VPS8: variants seen among roughly 807,000 people sequenced by gnomAD.
The protein encoded by VPS8 is vacuolar protein sorting-associated protein 8 homolog.
Under a neutral mutation model 216.4 loss-of-function variants are expected in VPS8, and 129 were observed. The ratio of observed to expected loss-of-function variants is 0.60; its 90% CI spans 0.52 to 0.69. VPS8 has a LOEUF of 0.69. Among genes scored for constraint, VPS8 ranks in the 30% least tolerant of loss-of-function variants. VPS8 has a pLI of 0.00. For missense variants in VPS8, 1,531 were observed against 1,683.5 expected, an observed-to-expected ratio of 0.91 and a Z score of 1.59; for synonymous variants, 571 against 565.4, an observed-to-expected ratio of 1.01 and a Z score of -0.14.
At chr3:184,930,863 T>C (rs184123004) in intron 34 of VPS8, among the ~76,000 whole-genome samples, 14 of 152,308 alleles carry the variant, frequency 9.2e-5, no homozygotes, top group African/African-American at 3.4e-4. Flanking sequence ...TTGTCCTTTT[T>C]TCCTAATATG....
intron 2 of VPS8, among the ~76,000 whole-genome samples, chr3:184,825,628 G>A (rs576831845): frequency 3.9e-5 from 6 of 152,340 alleles, no homozygotes; most frequent in East Asian, 3.9e-4. Flanking sequence ...TAGGCCGGGC[G>A]TGGTGGCTCA....
At chr3:184,981,713 G>T (rs1750246268) in intron 40 of VPS8, among the ~76,000 whole-genome samples, 1 of 152,128 alleles carries the variant, frequency 6.6e-6, no homozygotes, top group Non-Finnish European at 1.5e-5. Context: ...TGGGATTACA[G>T]GCGTGAGCCA....
At chr3:184,816,929 ATTTC>A (rs1044995079) in intron 1 of VPS8, among the ~76,000 whole-genome samples, 3 of 152,290 alleles carry the variant, frequency 2.0e-5, no homozygotes, top group Admixed American at 2.0e-4. Context: ...TATATGAATC[ATTTC>A]TTTCTCTCCT....
At chr3:185,006,431 A>G (rs868075466) in intron 45 of VPS8, among the ~76,000 whole-genome samples, 2 of 152,162 alleles carry the variant, frequency 1.3e-5, no homozygotes, top group African/African-American at 2.4e-5. Flanking sequence ...GAATTATCCT[A>G]CCACCAACCT....
chr3:185,021,606 G>A (rs540826020), intron 45 of VPS8, among the ~76,000 whole-genome samples: 32 of 152,286 alleles, frequency 2.1e-4, no homozygotes, highest in Middle Eastern at 3.4e-3. Context: ...GAATTCCAGC[G>A]TATTAATGTC....
At chr3:184,938,641 C>CT (rs1298836777) in intron 35 of VPS8, among the ~76,000 whole-genome samples, 9,170 of 136,188 alleles carry the variant, frequency 0.067, 200 homozygotes, top group African/African-American at 0.084. Flanking sequence ...CTTTTCTTTT[C>CT]TTTTTTTCTT....
Position 184,962,982 on chromosome 3 carries a change from A to C in VPS8, c.3184-1486A>C, listed in dbSNP as rs1449794386. 2.6e-5 allele frequency among the ~76,000 whole-genome samples: 4 copies of C among 152,084 alleles called. No homozygotes were observed. In the South Asian group the frequency reaches 8.3e-4, roughly 31 times the overall value. ...GATTTTTAATGCCATACTGCCATAT[A>C]CTAAACTCCCAAATATACATGACTC... On this transcript the variant is annotated intron_variant, in intron 37 of 47. Coordinates refer to ENST00000625842, the MANE Select transcript of VPS8 (RefSeq NM_001009921.3).
At chr3:184,846,828 G>A (rs1723228269) in intron 8 of VPS8, among the ~76,000 whole-genome samples, 1 of 152,172 alleles carries the variant, frequency 6.6e-6, no homozygotes, top group Non-Finnish European at 1.5e-5. Flanking sequence ...TGCAAATTAA[G>A]GTATGTGGAG....
At chr3:184,981,787 G>A (rs1457499327) in intron 40 of VPS8, among the ~76,000 whole-genome samples, 1 of 152,140 alleles carries the variant, frequency 6.6e-6, no homozygotes, top group Non-Finnish European at 1.5e-5. Flanking sequence ...AGAATTTAGA[G>A]TCAGGTAATT....
intron 22 of VPS8, among the ~76,000 whole-genome samples, chr3:184,889,385 C>A (rs1731912485): frequency 6.6e-6 from 1 of 152,178 alleles, no homozygotes; most frequent in South Asian, 2.1e-4. Flanking sequence ...AATCCTTCCT[C>A]AGTTCAGCTC....
chr3:184,854,032 A>C, intron 12 of VPS8, 22 bp downstream of exon 12: 1 of 1,612,968 alleles, frequency 6.2e-7, no homozygotes, highest in Non-Finnish European at 8.5e-7. Context: ...TAGAAGTTAA[A>C]ACTCAGAACT....
At chr3:184,937,905 A>G (rs1741924843) in intron 35 of VPS8, among the ~76,000 whole-genome samples, 1 of 152,156 alleles carries the variant, frequency 6.6e-6, no homozygotes, top group South Asian at 2.1e-4. Flanking sequence ...ACAAATACGA[A>G]ACGGTTTCAC....
In VPS8 at chr3:185,051,563, G is replaced by A. The variant is rs6807507; in HGVS notation, c.4138-313G>A. Reference sequence around the variant, plus strand: ...AGCAGGGCCATCCACAGCAGCTGGAGGAGCCCTCAGCACAGGGCCAGCCCA... The same window carrying A: ...AGCAGGGCCATCCACAGCAGCTGGAAGAGCCCTCAGCACAGGGCCAGCCCA... On this transcript the variant is annotated intron_variant, in intron 47 of 47. Transcript: ENST00000625842. Among the ~76,000 whole-genome samples, 987 of 152,246 alleles carry A rather than the reference G, an allele frequency of 6.5e-3. 10 individuals carry two copies. The highest frequency in any genetic ancestry group is 0.022 in the African/African-American group (935 of 41,556).
chr3:184,872,759 C>T (rs1203556525), intron 21 of VPS8, among the ~76,000 whole-genome samples: 1 of 151,830 alleles, frequency 6.6e-6, no homozygotes, highest in African/African-American at 2.4e-5. Context: ...AGCATGAGTC[C>T]TCTATTTCAG....
At chr3:185,002,842 C>T (rs1753598592) in intron 45 of VPS8, among the ~76,000 whole-genome samples, 2 of 152,292 alleles carry the variant, frequency 1.3e-5, no homozygotes, top group Non-Finnish European at 2.9e-5. Context: ...TCTTTATGCA[C>T]TCCTTGGTTG....
At chr3:184,950,216 CTTTTTTTTTTT>C (rs10700220) in intron 36 of VPS8, among the ~76,000 whole-genome samples, 11 of 39,932 alleles carry the variant, frequency 2.8e-4, no homozygotes, top group Admixed American at 1.3e-3. Context: ...CAGTTTTCTG[CTTTTTTTTTTT>C]TTTTTTTTTT....
chr3:184,926,592 A>G lies in VPS8; in HGVS notation c.2575-2A>G. On this transcript the variant is annotated splice_acceptor_variant, in intron 30 of 47. Transcript: ENST00000625842. LOFTEE classifies it high-confidence loss of function. ...AATAAAAAATACTTTTTCTTCGGCC[A>G]GGTCCTTGAATTCCTTTGTAGTCCT... is the stretch of plus-strand genomic sequence containing the variant. 1.3e-6 allele frequency: 2 copies of G among 1,597,562 alleles called. No homozygotes were observed. The highest frequency in any genetic ancestry group is 1.7e-6 in the Non-Finnish European group (2 of 1,171,658).
intron 22 of VPS8, among the ~76,000 whole-genome samples, chr3:184,892,183 A>G (rs958474847): frequency 1.2e-4 from 19 of 152,154 alleles, no homozygotes; most frequent in African/African-American, 4.1e-4. Flanking sequence ...GCCTAAATAT[A>G]GAAAAAAATA....
intron 36 of VPS8, among the ~76,000 whole-genome samples, chr3:184,953,417 G>A (rs1745054987): frequency 6.6e-6 from 1 of 152,204 alleles, no homozygotes; most frequent in South Asian, 2.1e-4. Flanking sequence ...TTGATTTGCA[G>A]TTGGTTAAGG....
Sources: gnomAD v4.1 joint callset for allele counts (sites outside exome capture counted in the v4.1 genomes callset) on GRCh38, gnomAD v4.1.1 for gene constraint, MANE v1.5 for transcripts, NCBI Gene and HGNC (gene_info 2026-07-23, HGNC 2026-07-21) for gene names.